The following DNAH10 variants were observed in gnomAD, a reference collection of about 807,000 sequenced individuals.
DNAH10 encodes the protein dynein axonemal heavy chain 10, also known as axonemal beta dynein heavy chain 10.
DNAH10 carries 348 observed loss-of-function variants against 506.6 expected under a neutral mutation model. The ratio of observed to expected loss-of-function variants is 0.69; its 90% CI spans 0.63 to 0.75. The LOEUF is 0.75. DNAH10 is among the 30% of genes least tolerant of loss of function. The pLI is 0.00. For synonymous variants in DNAH10, 2,059 were observed against 2,198.6 expected (o/e 0.94, Z 1.78); for missense variants, 5,179 against 5,787.1 (o/e 0.89, Z 3.41).
intron 50 of DNAH10, among the ~76,000 whole-genome samples, chr12:123,880,857 G>A (rs1290323071): frequency 7.5e-6 from 1 of 133,778 alleles, no homozygotes; most frequent in African/African-American, 2.9e-5. Flanking sequence ...GTGTCCATGT[G>A]TTCTCATTGT....
In DNAH10 at chr12:123,917,179, C is replaced by G. The variant is rs1181716905; in HGVS notation, c.11003-405C>G. On this transcript the variant is annotated intron_variant, in intron 63 of 78. Coordinates refer to ENST00000673944, the MANE Select transcript of DNAH10 (RefSeq NM_001372106.1). This position sits in a 1 kb window ranked among gnomAD's most constrained non-coding sequence, Gnocchi z 5.6. ...TTGGATGTACTTTCTTTTCTTTTTT[C>G]TTTTTCTTTTTTTGTACAGATGGGG... is the stretch of plus-strand genomic sequence containing the variant. Among the ~76,000 whole-genome samples the G allele has an allele frequency of 1.3e-5, 2 of 150,748 alleles. No individual in the cohort carries two copies. The highest frequency in any genetic ancestry group is 4.9e-5 in the African/African-American group (2 of 40,906).
Position 123,913,185 on chromosome 12 carries a change from G to A in DNAH10, c.10222G>A (p.Glu3408Lys). The A allele has an allele frequency of 2.5e-6, 4 of 1,610,914 alleles. No individual in the cohort carries two copies. Among genetic ancestry groups the A allele is most frequent in the Non-Finnish European group, 3.4e-6 (4 of 1,178,970 alleles). Reference protein sequence around the residue: ...NELAAIQKELETLGAKYEAAI... With the variant: ...NELAAIQKELKTLGAKYEAAI... ...GTTGGCAGCAATTCAGAAAGAGCTG[G>A]AAACATTGGGTGCCAAATATGAGGC... The change falls in exon 60 of 79, where the codon GAA (glutamate) becomes AAA (lysine). Residue 3408 changes from glutamate to lysine, a missense_variant. Transcript: ENST00000673944. The surrounding 1 kb of genome is among the most constrained non-coding windows in gnomAD (Gnocchi z 5.1).
At chr12:123,790,246 A>G in intron 11 of DNAH10, 125 bp downstream of exon 11, 1 of 970,740 alleles carries the variant, frequency 1.0e-6, no homozygotes, top group Non-Finnish European at 1.5e-6. Flanking sequence ...CCTGCTTATT[A>G]ATTATAAAAA....
intron 46 of DNAH10, among the ~76,000 whole-genome samples, 171 bp downstream of exon 46, chr12:123,873,881 C>T (rs1322311238): frequency 1.3e-5 from 2 of 152,138 alleles, no homozygotes; most frequent in Admixed American, 1.3e-4. Flanking sequence ...ACCTGGGATG[C>T]TCTTCTTACA....
chr12:123,824,078 AG>A (rs1298784423), intron 24 of DNAH10, among the ~76,000 whole-genome samples: 4 of 152,156 alleles, frequency 2.6e-5, no homozygotes, highest in Admixed American at 6.5e-5. Context: ...GAGGCTGGGC[AG>A]GGGACTGTCA....
Position 123,762,697 on chromosome 12 carries a change from G to A in DNAH10, c.214+147G>A. On this transcript the variant is annotated intron_variant, in intron 1 of 78. Coordinates refer to ENST00000673944, the MANE Select transcript of DNAH10 (RefSeq NM_001372106.1). This position sits in a 1 kb window ranked among gnomAD's most constrained non-coding sequence, Gnocchi z 5.0. ...CAAACGCTGCCGCCCGCCACGTGCA[G>A]GCCCCGGGCGAACCCAGCAATCACA... 1.3e-6 allele frequency: 1 copy of A among 781,884 alleles called. No individual in the cohort carries two copies. Among genetic ancestry groups the A allele is most frequent in the Non-Finnish European group, 1.9e-6 (1 of 527,964 alleles). 48.4% of individuals were successfully genotyped at this position (781,884 alleles called of 1,614,324 possible). A position where few individuals can be genotyped will look rare whatever the true frequency, so the allele number is the denominator to read the frequency against.
chr12:123,933,579 T>A lies in DNAH10; in HGVS notation c.13477+68T>A, dbSNP rs146795342. ...TTTCTCTCCCTGAACCACCTCCAAC[T>A]CAAAGGGACAGGCATAGCGTGGGCC... On this transcript the variant is annotated intron_variant, in intron 77 of 78. Transcript: ENST00000673944. 54 of 1,506,814 alleles carry A rather than the reference T, an allele frequency of 3.6e-5. No homozygotes were observed. The East Asian group carries it at 1.3e-3, about 37-fold the overall frequency. The allele number at this position is 1,506,814 out of a possible 1,614,324, so 93.3% of individuals were successfully genotyped here.
At chr12:123,764,787 A>G (rs1471028493) in intron 1 of DNAH10, among the ~76,000 whole-genome samples, 2 of 151,996 alleles carry the variant, frequency 1.3e-5, no homozygotes, top group East Asian at 3.9e-4. Context: ...CTTCTCCACT[A>G]TCACCTCATG....
chr12:123,788,065 GC>G (rs1031814218), intron 10 of DNAH10, 63 bp downstream of exon 10: 1 of 1,534,470 alleles, frequency 6.5e-7, no homozygotes, highest in African/African-American at 1.4e-5. Context: ...TTTGACAGTG[GC>G]CCCCTCCGTG....
intron 5 of DNAH10, among the ~76,000 whole-genome samples, chr12:123,780,058 C>T (rs1957584170): frequency 6.6e-6 from 1 of 152,136 alleles, no homozygotes; most frequent in Admixed American, 6.5e-5. Flanking sequence ...TCCTCAAGAA[C>T]TTAATTTTCA....
In DNAH10 at chr12:123,875,392, C is replaced by T. The variant is rs769399525; in HGVS notation, c.8100C>T (p.Asp2700=). The change falls in exon 47 of 79, where the codon GAC becomes GAT. Residue 2700 remains aspartate, a synonymous_variant. Transcript: ENST00000673944. ...CTGGAGGAGGCCGCAATGAAGTTGA[C>T]CCAAGATTTATTTCGCTATTCAGTG... ...GKAGGGRNEV[D]PRFISLFSVF... 1.9e-5 allele frequency: 30 copies of T among 1,613,850 alleles called. No individual in the cohort carries two copies. Among genetic ancestry groups the T allele is most frequent in the Admixed American group, 1.8e-4 (11 of 59,994 alleles).
At position 123,917,637 on chromosome 12, in the gene DNAH10, AGGC is replaced by A; in HGVS notation, c.11059_11061del (p.Arg3687del). 6.4e-7 allele frequency: 1 copy of A among 1,551,654 alleles called. No individual in the cohort carries two copies. Reference sequence around the variant, plus strand: ...GCTGAGCGTGCTGGTGGCTTACGAGAGGCGGGAGCTGGAGGAGCAGCGGGAGCA... The same window carrying A: ...GCTGAGCGTGCTGGTGGCTTACGAGAGGGAGCTGGAGGAGCAGCGGGAGCA... On this transcript the variant is annotated inframe_deletion, in exon 64 of 79. Coordinates refer to ENST00000673944, the MANE Select transcript of DNAH10 (RefSeq NM_001372106.1). The surrounding 1 kb of genome is among the most constrained non-coding windows in gnomAD (Gnocchi z 5.6).
In DNAH10 at chr12:123,860,259, G is replaced by A. The variant is rs148967084; in HGVS notation, c.6750-753G>A. Reference sequence around the variant, plus strand: ...TCTAAAGAGTAAGTGTCTGTCATATGTTCCCATTATTTCTTCATATGTTTC... The same window carrying A: ...TCTAAAGAGTAAGTGTCTGTCATATATTCCCATTATTTCTTCATATGTTTC... On this transcript the variant is annotated intron_variant, in intron 38 of 78. Coordinates refer to ENST00000673944, the MANE Select transcript of DNAH10 (RefSeq NM_001372106.1). Among the ~76,000 whole-genome samples the A allele has an allele frequency of 3.9e-3, 601 of 152,336 alleles. 9 individuals carry two copies. The highest frequency in any genetic ancestry group is 0.025 in the South Asian group (122 of 4,826).
chr12:123,914,745 T>C, intron 61 of DNAH10, 107 bp from the exon 62 acceptor site: 1 of 1,474,656 alleles, frequency 6.8e-7, no homozygotes, highest in Non-Finnish European at 9.0e-7. Flanking sequence ...GAGGCTTGTG[T>C]GGCCTGGGGA....
At position 123,913,042 on chromosome 12, in the gene DNAH10, A is replaced by G; in HGVS notation, c.10135-56A>G. On this transcript the variant is annotated intron_variant, in intron 59 of 78. Coordinates refer to ENST00000673944, the MANE Select transcript of DNAH10 (RefSeq NM_001372106.1). This position sits in a 1 kb window ranked among gnomAD's most constrained non-coding sequence, Gnocchi z 5.1. ...ATGTGGCCTGGTTTGAGGCCATGGG[A>G]TCGCGGCCCCACCACGGTCCTTTTC... 1.3e-6 allele frequency: 2 copies of G among 1,519,718 alleles called. No individual in the cohort carries two copies. The highest frequency in any genetic ancestry group is 1.2e-5 in the South Asian group (1 of 81,650). 94.1% of individuals were successfully genotyped at this position (1,519,718 alleles called of 1,614,324 possible).
chr12:123,841,505 AC>A lies in DNAH10; in HGVS notation c.5322del (p.Glu1776ArgfsTer51), dbSNP rs1000585231. On this transcript the variant is annotated frameshift_variant, in exon 30 of 79. Coordinates refer to ENST00000673944, the MANE Select transcript of DNAH10 (RefSeq NM_001372106.1). LOFTEE classifies it high-confidence loss of function. Reference protein sequence around the residue: ...NEMRRTNRLITKEAIFRYCED... With the variant: ...NEMRRTNRLIXKEAIFRYCED... ...GATGAGAAGAACTAATAGACTAATTACCAAAGAGGCTATTTTTAGATACTGT... is the reference window on the plus strand; with the variant it reads ...GATGAGAAGAACTAATAGACTAATTACAAAGAGGCTATTTTTAGATACTGT... 1.2e-5 allele frequency: 20 copies of A among 1,613,868 alleles called. No individual in the cohort carries two copies. Among genetic ancestry groups the A allele is most frequent in the Middle Eastern group, 1.6e-4 (1 of 6,082 alleles).
chr12:123,844,332 C>T (rs1950873626), intron 30 of DNAH10, among the ~76,000 whole-genome samples: 1 of 152,144 alleles, frequency 6.6e-6, no homozygotes, highest in Non-Finnish European at 1.5e-5. Flanking sequence ...GGACACAGAG[C>T]CAAACCATAT....
At position 123,826,915 on chromosome 12, in the gene DNAH10, G is replaced by C. The variant is rs772885915; in HGVS notation, c.4391+17G>C. ...AAGAGACAGGTTTGTTTTGTCCTCTGTCCGCAGATGTAAAAGTGTGGGAGG... is the reference window on the plus strand; with the variant it reads ...AAGAGACAGGTTTGTTTTGTCCTCTCTCCGCAGATGTAAAAGTGTGGGAGG... On this transcript the variant is annotated intron_variant, in intron 25 of 78. Coordinates refer to ENST00000673944, the MANE Select transcript of DNAH10 (RefSeq NM_001372106.1). The C allele has an allele frequency of 6.3e-7, 1 of 1,595,218 alleles. No homozygotes were observed.
chr12:123,835,350 C>A lies in DNAH10; in HGVS notation c.4780-56C>A, dbSNP rs1252090754. On this transcript the variant is annotated intron_variant, in intron 27 of 78. Coordinates refer to ENST00000673944, the MANE Select transcript of DNAH10 (RefSeq NM_001372106.1). ...CATGTCAGGATGGGGCTTTGCCATCCACTTTTGGAGGTATCTGATAACCCC... is the reference window on the plus strand; with the variant it reads ...CATGTCAGGATGGGGCTTTGCCATCAACTTTTGGAGGTATCTGATAACCCC... 3 of 1,582,180 alleles carry A rather than the reference C, an allele frequency of 1.9e-6. No individual in the cohort carries two copies. In the East Asian group the frequency reaches 6.8e-5, roughly 36 times the overall value.
Sources: allele counts gnomAD v4.1 joint callset (sites outside exome capture counted in the v4.1 genomes callset), GRCh38; gene constraint gnomAD v4.1.1; non-coding constraint Gnocchi (gnomAD v3.1); transcripts MANE v1.5; gene names NCBI Gene and HGNC (gene_info 2026-07-23, HGNC 2026-07-21).